The following HEATR5A variants were observed in gnomAD, a reference collection of about 807,000 sequenced individuals.
The protein encoded by HEATR5A is HEAT repeat-containing protein 5A.
In HEATR5A, 178 loss-of-function variants were observed where a neutral mutation model predicts 218.8. The ratio of observed to expected loss-of-function variants is 0.81; its 90% CI spans 0.72 to 0.92. The LOEUF (loss-of-function observed/expected upper bound fraction) is 0.92. Among genes scored for constraint, HEATR5A ranks in the 40% least tolerant of loss-of-function variants. The pLI is 0.00. For missense variants in HEATR5A, 2,420 were observed against 2,418.9 expected (o/e 1.00, Z -0.01); for synonymous variants, 864 against 871.6 (o/e 0.99, Z 0.15).
intron 22 of HEATR5A, among the ~76,000 whole-genome samples, chr14:31,334,945 CAA>C (rs58661759): frequency 0.12 from 11,735 of 96,568 alleles, 680 homozygotes; most frequent in East Asian, 0.37. Context: ...GATTCCATCT[CAA>C]AAAAAAAAAA....
At chr14:31,337,405 C>A in intron 22 of HEATR5A, 71 bp downstream of exon 22, 1 of 1,288,036 alleles carries the variant, frequency 7.8e-7, no homozygotes, top group Non-Finnish European at 1.1e-6. Flanking sequence ...TTTCAAAACT[C>A]ATGTATATAT....
In HEATR5A at chr14:31,306,743, C is replaced by T. The variant is rs267603979; in HGVS notation, c.4955G>A (p.Arg1652Gln). ...AGGTTAACATTTACCTTCTGCACTT[C>T]GTCTTTTTTCCTTCACATGTTCTTG... ...AAQEHVKEKRRSAEVDDGAAE... is the reference protein window; with the variant it reads ...AAQEHVKEKRQSAEVDDGAAE... The change falls in exon 31 of 36, where the codon CGA becomes CAA. Residue 1652 changes from arginine (R) to glutamine (Q), a missense_variant. Arg to Gln is a conservative substitution (Grantham distance 43). Transcript: ENST00000543095. The T allele has an allele frequency of 1.2e-5, 20 of 1,609,328 alleles. No individual in the cohort carries two copies. Among genetic ancestry groups the T allele is most frequent in the Admixed American group, 5.1e-5 (3 of 59,304 alleles).
At chr14:31,343,872 G>T in intron 21 of HEATR5A, 24 bp downstream of exon 21, 1 of 1,522,950 alleles carries the variant, frequency 6.6e-7, no homozygotes, top group Non-Finnish European at 8.8e-7. Context: ...GAAACTAAGA[G>T]CTCGTTTACA....
chr14:31,316,406 GC>G (rs1899913760), intron 26 of HEATR5A, among the ~76,000 whole-genome samples: 1 of 152,122 alleles, frequency 6.6e-6, no homozygotes, highest in South Asian at 2.1e-4. Context: ...TATTGCTATT[GC>G]TTTCGAGAAA....
chr14:31,399,266 T>C (rs924191609), intron 3 of HEATR5A, among the ~76,000 whole-genome samples: 7 of 152,192 alleles, frequency 4.6e-5, no homozygotes, highest in Non-Finnish European at 8.8e-5. Flanking sequence ...GACACTTAGG[T>C]GAATATGATT....
At chr14:31,297,113 C>G (rs887297191) in intron 33 of HEATR5A, 1 of 152,052 alleles carries the variant, frequency 6.6e-6, no homozygotes, top group African/African-American at 2.4e-5. Context: ...TGGTGAAGCC[C>G]GGTCTCTACT....
At chr14:31,379,557 G>C (rs191665330) in intron 11 of HEATR5A, among the ~76,000 whole-genome samples, 2 of 152,166 alleles carry the variant, frequency 1.3e-5, no homozygotes, top group Non-Finnish European at 2.9e-5. Flanking sequence ...GCCTCAGCCA[G>C]TTGTTTTATA....
At chr14:31,398,554 A>G (rs1053278347) in intron 4 of HEATR5A, 119 bp downstream of exon 4, 1 of 563,212 alleles carries the variant, frequency 1.8e-6, no homozygotes, top group Non-Finnish European at 3.1e-6. Flanking sequence ...ATTTATGGGT[A>G]CATTTATATT....
At chr14:31,404,470 A>G (rs1429584499) in intron 1 of HEATR5A, among the ~76,000 whole-genome samples, 1 of 152,158 alleles carries the variant, frequency 6.6e-6, no homozygotes, top group East Asian at 1.9e-4. Context: ...ATTACTTAGA[A>G]TATCAGCTCA....
At position 31,358,942 on chromosome 14, in the gene HEATR5A, T is replaced by C. The variant is rs1463740350; in HGVS notation, c.2187A>G (p.Ile729Met). The change falls in exon 15 of 36, where the codon ATA becomes ATG. Residue 729 changes from isoleucine to methionine, a missense_variant. By Grantham distance (10) the Ile-to-Met change is conservative. Transcript: ENST00000543095. ...CAGTCTCTTGTAGGAAAGGACTTAG[T>C]ATCAAAAGATCATCCTGATGACAGA... ...PPLCHQDDLL[I>M]LSPFLQETDH... 1 of 1,591,502 alleles carries C rather than the reference T, an allele frequency of 6.3e-7. No individual in the cohort carries two copies. The highest frequency in any genetic ancestry group is 1.4e-5 in the African/African-American group (1 of 73,084).
chr14:31,408,726 T>C (rs752374654), intron 1 of HEATR5A, among the ~76,000 whole-genome samples: 1 of 151,688 alleles, frequency 6.6e-6, no homozygotes, highest in Non-Finnish European at 1.5e-5. Flanking sequence ...AGTGACTTTA[T>C]TAGCCTAGAG....
intron 22 of HEATR5A, among the ~76,000 whole-genome samples, chr14:31,335,815 A>C (rs1255212262): frequency 1.3e-5 from 2 of 151,798 alleles, no homozygotes; most frequent in Non-Finnish European, 2.9e-5. Context: ...CACCACACAG[A>C]TCTAATTTTT....
At chr14:31,352,402 T>C (rs1901264093) in intron 16 of HEATR5A, among the ~76,000 whole-genome samples, 1 of 152,108 alleles carries the variant, frequency 6.6e-6, no homozygotes, top group South Asian at 2.1e-4. Flanking sequence ...AACATGAAAA[T>C]ATGGATATAC....
At chr14:31,306,616 CAT>C in intron 31 of HEATR5A, 114 bp downstream of exon 31, 1 of 1,066,872 alleles carries the variant, frequency 9.4e-7, no homozygotes, top group South Asian at 2.1e-5. Flanking sequence ...CATGCCTAGA[CAT>C]GTTTTATTTG....
At position 31,323,671 on chromosome 14, in the gene HEATR5A, G is replaced by T. The variant is rs555996739; in HGVS notation, c.3681C>A (p.Val1227=). The T allele has an allele frequency of 6.2e-7, 1 of 1,613,650 alleles. No homozygotes were observed. Among genetic ancestry groups the T allele is most frequent in the African/African-American group, 1.3e-5 (1 of 74,982 alleles). ...TCCTACAGACACATTCAGCAGCAAA[G>T]ACTCTAGTAGCCCATCGGGGATTGG... ...PFTNPRWATR[V]FAAECVCRII... is the part of the protein sequence containing the mutation. Residue 1227 remains valine (V), a synonymous_variant, in exon 24 of 36, where the codon GTC becomes GTA. Coordinates refer to ENST00000543095, the MANE Select transcript of HEATR5A (RefSeq NM_015473.4).
Position 31,402,924 on chromosome 14 carries a change from C to T in HEATR5A, c.52G>A (p.Gly18Ser), listed in dbSNP as rs756355929. ...ATAAACTCTGCCTTCTGAACTTCAC[C>T]TAGTTGATTGTATGCTTCTTCATTC... ...LLNEEAYNQL[G>S]EVQKAEFIFE... The change falls in exon 2 of 36, where the codon GGT becomes AGT. Residue 18 changes from glycine to serine, a missense_variant. Gly to Ser is a moderately conservative substitution (Grantham distance 56). Coordinates refer to ENST00000543095, the MANE Select transcript of HEATR5A (RefSeq NM_015473.4). 1.5e-5 allele frequency: 23 copies of T among 1,536,140 alleles called. No individual in the cohort carries two copies. The Admixed American group carries it at 2.7e-4, about 18-fold the overall frequency.
Position 31,387,336 on chromosome 14 carries a change from G to A in HEATR5A, c.973C>T (p.Leu325=), listed in dbSNP as rs377402710. 1.2e-6 allele frequency: 2 copies of A among 1,613,498 alleles called. No homozygotes were observed. The highest frequency in any genetic ancestry group is 2.7e-5 in the African/African-American group (2 of 74,900). ...AAAAAGGCAGCAAAATTTTTCTCTA[G>A]CCAAGCTCCTCCTAGTGTTGAAACA... ...VFVSTLGGAW[L]EKNFAAFFSH... Residue 325 remains leucine (L), a synonymous_variant, in exon 8 of 36, where the codon CTA becomes TTA. Coordinates refer to ENST00000543095, the MANE Select transcript of HEATR5A (RefSeq NM_015473.4).
chr14:31,359,279 AGTGTAAGAGTGTGTGTGTGTGTGTGT>A (rs1276824434), intron 14 of HEATR5A, among the ~76,000 whole-genome samples: 4 of 102,638 alleles, frequency 3.9e-5, no homozygotes, highest in African/African-American at 1.4e-4. Flanking sequence ...AACATCTCAA[AGTGTAAGAGTGTGTGTGTGTGTGTGT>A]GTGTGTGTGT....
chr14:31,353,373 A>G (rs983802830), intron 16 of HEATR5A, among the ~76,000 whole-genome samples: 1 of 152,202 alleles, frequency 6.6e-6, no homozygotes, highest in African/African-American at 2.4e-5. Context: ...TAATTTATTT[A>G]ACCAACTTCC....
Sources: gnomAD v4.1 joint callset for allele counts (sites outside exome capture counted in the v4.1 genomes callset) on GRCh38, gnomAD v4.1.1 for gene constraint, MANE v1.5 for transcripts, NCBI Gene and HGNC (gene_info 2026-07-23, HGNC 2026-07-21) for gene names.